Variants in PCDHGB1 observed in about 807,000 individuals in gnomAD.
The protein encoded by PCDHGB1 is protocadherin gamma subfamily B, 1, also known as protocadherin gamma-B1.
Under a neutral mutation model 56.6 loss-of-function variants are expected in PCDHGB1, and 34 were observed. That is an observed-to-expected ratio of 0.60 (90% CI 0.46 to 0.80). The LOEUF is 0.80. PCDHGB1 is among the 30% of genes least tolerant of loss of function. The pLI is 0.00. For missense variants in PCDHGB1, 1,278 were observed against 1,204.6 expected (o/e 1.06, Z -0.90); for synonymous variants, 561 against 505.9 (o/e 1.11, Z -1.46).
intron 1 of PCDHGB1, chr5:141,424,079 C>A: frequency 3.1e-6 from 3 of 973,190 alleles, no homozygotes; most frequent in African/African-American, 1.8e-5. Context: ...TAGTTATATT[C>A]CACCATTATT....
chr5:141,385,238 T>C (rs756116390), intron 1 of PCDHGB1: 1 of 1,614,074 alleles, frequency 6.2e-7, no homozygotes, highest in Non-Finnish European at 8.5e-7. Context: ...GACATGCTCA[T>C]CAGCCAGGAG....
intron 1 of PCDHGB1, chr5:141,441,665 A>G (rs994092543): frequency 2.3e-5 from 6 of 265,720 alleles, no homozygotes; most frequent in Non-Finnish European, 3.7e-5. Context: ...CCTTGAGCGC[A>G]CAGTGCGCCT....
At chr5:141,394,112 C>G (rs771784855) in intron 1 of PCDHGB1, 9 of 1,613,946 alleles carry the variant, frequency 5.6e-6, no homozygotes, top group African/African-American at 2.7e-5. Flanking sequence ...CACCTCTGTC[C>G]ACTGAAACTC....
At chr5:141,450,293 G>A (rs879439714) in intron 1 of PCDHGB1, among the ~76,000 whole-genome samples, 6 of 151,746 alleles carry the variant, frequency 4.0e-5, no homozygotes, top group Non-Finnish European at 7.4e-5. Flanking sequence ...GATTACAGGC[G>A]TGAGCCACCA....
intron 1 of PCDHGB1, chr5:141,414,273 G>A: frequency 6.2e-7 from 1 of 1,613,418 alleles, no homozygotes; most frequent in Non-Finnish European, 8.5e-7. Flanking sequence ...ATTCACCTCT[G>A]GGAACAGTCG....
intron 1 of PCDHGB1, chr5:141,414,950 TGACCAA>T (rs778670321): frequency 6.2e-7 from 1 of 1,614,030 alleles, no homozygotes; most frequent in South Asian, 1.1e-5. Context: ...GGCTACCTGG[TGACCAA>T]GGTGGTGGCG....
At position 141,350,721 on chromosome 5, in the gene PCDHGB1, C is replaced by T. The variant is rs1459818377; in HGVS notation, c.461C>T (p.Ala154Val). 1.2e-6 allele frequency: 2 copies of T among 1,613,972 alleles called. No individual in the cohort carries two copies. The highest frequency in any genetic ancestry group is 1.7e-6 in the Non-Finnish European group (2 of 1,179,908). The change falls in exon 1 of 4, where the codon GCT (alanine) becomes GTT (valine). Residue 154 changes from alanine to valine, a missense_variant. Ala to Val is a moderately conservative substitution (Grantham distance 64). Transcript: ENST00000523390. ...GGGGTAAAATTCTCTCTGGATTCTGCTCAAGATGCAGATGTGGAAGGCAAT... is the reference window on the plus strand; with the variant it reads ...GGGGTAAAATTCTCTCTGGATTCTGTTCAAGATGCAGATGTGGAAGGCAAT... ...LPGVKFSLDSAQDADVEGNSL... is the reference protein window; with the variant it reads ...LPGVKFSLDSVQDADVEGNSL...
intron 1 of PCDHGB1, chr5:141,371,888 G>A (rs1464333099): frequency 1.2e-6 from 2 of 1,613,438 alleles, no homozygotes; most frequent in South Asian, 2.2e-5. Context: ...ACCTGGAGCC[G>A]CGGGAGCTGT....
chr5:141,365,320 C>A (rs1763848662), intron 1 of PCDHGB1: 1 of 1,613,992 alleles, frequency 6.2e-7, no homozygotes, highest in Non-Finnish European at 8.5e-7. Flanking sequence ...TTGTTGCCAG[C>A]GCTAAGGTGG....
intron 1 of PCDHGB1, among the ~76,000 whole-genome samples, chr5:141,466,360 G>A (rs2099121274): frequency 6.6e-6 from 1 of 152,070 alleles, no homozygotes; most frequent in South Asian, 2.1e-4. Context: ...TAATCTAGAT[G>A]TAATGGTTTT....
intron 1 of PCDHGB1, among the ~76,000 whole-genome samples, chr5:141,474,448 A>G (rs1350019257): frequency 3.3e-5 from 5 of 152,204 alleles, no homozygotes; most frequent in Non-Finnish European, 5.9e-5. Context: ...GTAGCAAGTG[A>G]TTGGGCTATA....
At position 141,432,643 on chromosome 5, in the gene PCDHGB1, G is replaced by A. The variant is rs2097523971; in HGVS notation, c.2410-62164G>A. 15 of 1,613,754 alleles carry A rather than the reference G, an allele frequency of 9.3e-6. No homozygotes were observed. Among genetic ancestry groups the A allele is most frequent in the East Asian group, 4.5e-5 (2 of 44,860 alleles). ...GTCTGCACACGGGCGAGGTGCGCAC[G>A]GCGCGAGCCCTGCTGGACAGAGACG... On this transcript the variant is annotated intron_variant, in intron 1 of 3. Coordinates refer to ENST00000523390, the MANE Select transcript of PCDHGB1 (RefSeq NM_018922.3). This position sits in a 1 kb window ranked among gnomAD's most constrained non-coding sequence, Gnocchi z 6.0.
At chr5:141,374,519 G>A (rs769907625) in intron 1 of PCDHGB1, 5 of 1,612,332 alleles carry the variant, frequency 3.1e-6, no homozygotes, top group Admixed American at 1.7e-5. Context: ...TCTCGAAAAC[G>A]CAGCTCCATC....
chr5:141,395,177 T>A (rs1325466781), intron 1 of PCDHGB1: 1 of 1,614,120 alleles, frequency 6.2e-7, no homozygotes, highest in Non-Finnish European at 8.5e-7. Context: ...GTGAGAAAAA[T>A]GATTCTTTGT....
chr5:141,409,177 T>A (rs1272833119), intron 1 of PCDHGB1: 1 of 1,613,944 alleles, frequency 6.2e-7, no homozygotes, highest in Non-Finnish European at 8.5e-7. Context: ...AGGACGGAGG[T>A]GGTCTCTCTA....
chr5:141,483,007 C>G (rs938404755), intron 1 of PCDHGB1, among the ~76,000 whole-genome samples: 1 of 152,140 alleles, frequency 6.6e-6, no homozygotes, highest in South Asian at 2.1e-4. Flanking sequence ...ATTGCTTGAA[C>G]CCGGGAGGCA....
At chr5:141,452,082 T>C (rs924362905) in intron 1 of PCDHGB1, among the ~76,000 whole-genome samples, 6 of 152,358 alleles carry the variant, frequency 3.9e-5, no homozygotes, top group Admixed American at 6.5e-5. Flanking sequence ...GTTGGCATTA[T>C]ACAGTAAGAA....
At chr5:141,430,781 C>G in intron 1 of PCDHGB1, 8 of 1,510,922 alleles carry the variant, frequency 5.3e-6, no homozygotes, top group Non-Finnish European at 7.1e-6. Context: ...GCGACTGCAC[C>G]GGGACTACAA....
In PCDHGB1 at chr5:141,395,537, A is replaced by ATTGTTTGT. The variant is rs1179408656; in HGVS notation, c.2409+42869_2409+42876dup. On this transcript the variant is annotated intron_variant, in intron 1 of 3. Coordinates refer to ENST00000523390, the MANE Select transcript of PCDHGB1 (RefSeq NM_018922.3). Reference sequence around the variant, plus strand: ...ACCCGTCCATACTGGTAATTTTGCTATTGTTTGTGTGTGTGTGTGTGTGTG... The same window carrying ATTGTTTGT: ...ACCCGTCCATACTGGTAATTTTGCTATTGTTTGTTTGTTTGTGTGTGTGTGTGTGTGTG... 12 of 243,932 alleles carry ATTGTTTGT rather than the reference A, an allele frequency of 4.9e-5. No individual in the cohort carries two copies. In the African/African-American group the frequency reaches 6.6e-4, roughly 13 times the overall value. 15.1% of individuals were successfully genotyped at this position (243,932 alleles called of 1,614,324 possible).
Sources: gnomAD v4.1 joint callset for allele counts (sites outside exome capture counted in the v4.1 genomes callset) on GRCh38, gnomAD v4.1.1 for gene constraint, Gnocchi (gnomAD v3.1) non-coding constraint, MANE v1.5 for transcripts, NCBI Gene and HGNC (gene_info 2026-07-23, HGNC 2026-07-21) for gene names.